The following SMG6 variants were observed in gnomAD, a reference collection of about 807,000 sequenced individuals.
SMG6 encodes telomerase-binding protein EST1A.
Under a neutral mutation model 142.2 loss-of-function variants are expected in SMG6, and 66 were observed. That is an observed-to-expected ratio of 0.46 (90% CI 0.38 to 0.57). The LOEUF is 0.57. SMG6 is among the 20% of genes least tolerant of loss of function. The probability of loss-of-function intolerance (pLI) is 0.00; values close to 1 mark genes in which losing one functional copy is unlikely to be tolerated. For missense variants in SMG6, 1,793 were observed against 1,832.0 expected (o/e 0.98, Z 0.39); for synonymous variants, 779 against 702.4 (o/e 1.11, Z -1.72).
At chr17:2,115,903 T>G (rs2069490616) in intron 13 of SMG6, among the ~76,000 whole-genome samples, 1 of 152,090 alleles carries the variant, frequency 6.6e-6, no homozygotes, top group Non-Finnish European at 1.5e-5. Context: ...GACAGGGTCT[T>G]GCTATATTGG....
intron 15 of SMG6, among the ~76,000 whole-genome samples, chr17:2,070,015 A>G (rs1378372030): frequency 6.6e-6 from 1 of 152,192 alleles, no homozygotes; most frequent in Admixed American, 6.5e-5. Context: ...TGCCAAACAA[A>G]AAGTAGACAA....
chr17:2,256,923 G>C (rs1316055408), intron 8 of SMG6, among the ~76,000 whole-genome samples: 1 of 150,950 alleles, frequency 6.6e-6, no homozygotes, highest in Admixed American at 6.6e-5. Context: ...CTTCTTTTTG[G>C]AGAGTAATGT....
Position 2,064,649 on chromosome 17 carries a change from A to G in SMG6, c.4129+424T>C, listed in dbSNP as rs1396889935. ...GAAGGTAGGAAGGTAAGCATGGCCA[A>G]GAAAGGGAAGTGTGCCCCAGGGACC... On this transcript the variant is annotated intron_variant, in intron 18 of 18. Coordinates refer to ENST00000263073, the MANE Select transcript of SMG6 (RefSeq NM_017575.5). Among the ~76,000 whole-genome samples, 3 of 152,234 alleles carry G rather than the reference A, an allele frequency of 2.0e-5. No individual in the cohort carries two copies. The East Asian group carries it at 5.8e-4, about 29-fold the overall frequency.
intron 13 of SMG6, among the ~76,000 whole-genome samples, chr17:2,114,746 T>C (rs191547874): frequency 1.3e-5 from 2 of 151,680 alleles, no homozygotes; most frequent in South Asian, 2.1e-4. Flanking sequence ...CTGGCCAACA[T>C]GGTGAAACCC....
At chr17:2,261,036 G>A (rs997190455) in intron 8 of SMG6, among the ~76,000 whole-genome samples, 4 of 151,866 alleles carry the variant, frequency 2.6e-5, no homozygotes, top group African/African-American at 9.7e-5. Context: ...GTCGGGCGCG[G>A]TGGCTCACGC....
intron 10 of SMG6, among the ~76,000 whole-genome samples, chr17:2,200,920 C>T (rs1371670471): frequency 1.3e-5 from 2 of 152,196 alleles, no homozygotes; most frequent in Non-Finnish European, 2.9e-5. Flanking sequence ...TGAACCACCA[C>T]ACCCGGCCCA....
At chr17:2,113,485 C>G (rs2069403411) in intron 13 of SMG6, among the ~76,000 whole-genome samples, 1 of 152,222 alleles carries the variant, frequency 6.6e-6, no homozygotes, top group South Asian at 2.1e-4. Flanking sequence ...CCAGCTGGGT[C>G]TTGAACAAAG....
chr17:2,257,789 G>A (rs916543527), intron 8 of SMG6, among the ~76,000 whole-genome samples: 1 of 151,328 alleles, frequency 6.6e-6, no homozygotes, highest in Non-Finnish European at 1.5e-5. Context: ...GGGGCTGGGC[G>A]GATCACGAGA....
At chr17:2,188,877 G>T (rs1380033097) in intron 10 of SMG6, among the ~76,000 whole-genome samples, 1 of 152,134 alleles carries the variant, frequency 6.6e-6, no homozygotes, top group African/African-American at 2.4e-5. Flanking sequence ...AGTCTCTCTA[G>T]TGTATAACTA....
intron 7 of SMG6, 62 bp from the exon 8 acceptor site, chr17:2,282,921 A>G: frequency 6.5e-7 from 1 of 1,546,694 alleles, no homozygotes; most frequent in South Asian, 1.1e-5. Flanking sequence ...CTGTAATCCC[A>G]GCACTTAGAG....
At chr17:2,075,938 A>G (rs1237878591) in intron 15 of SMG6, among the ~76,000 whole-genome samples, 2 of 151,968 alleles carry the variant, frequency 1.3e-5, no homozygotes, top group Non-Finnish European at 2.9e-5. Context: ...AGTCGGCCCC[A>G]CTCACCAGCC....
intron 13 of SMG6, among the ~76,000 whole-genome samples, chr17:2,094,522 A>G (rs2068806274): frequency 6.6e-6 from 1 of 152,152 alleles, no homozygotes; most frequent in Non-Finnish European, 1.5e-5. Context: ...TACAGGCGTG[A>G]GCCACTTTGC....
At chr17:2,276,012 TTC>T (rs1329712634) in intron 8 of SMG6, among the ~76,000 whole-genome samples, 4 of 152,206 alleles carry the variant, frequency 2.6e-5, no homozygotes, top group Non-Finnish European at 4.4e-5. Flanking sequence ...AAGCCAAACT[TTC>T]TGTTTACTCA....
At chr17:2,111,190 TC>T (rs1321270513) in intron 13 of SMG6, among the ~76,000 whole-genome samples, 1 of 139,846 alleles carries the variant, frequency 7.2e-6, no homozygotes, top group Non-Finnish European at 1.5e-5. Context: ...ATGCTCCTGT[TC>T]CCATGGAACT....
chr17:2,265,580 CTTATCA>C (rs1236671455), intron 8 of SMG6, among the ~76,000 whole-genome samples: 5 of 151,950 alleles, frequency 3.3e-5, no homozygotes, highest in Admixed American at 3.3e-4. Flanking sequence ...ACAGAAGAAC[CTTATCA>C]TTAACTGCAT....
At chr17:2,226,600 A>AAAC in intron 10 of SMG6, among the ~76,000 whole-genome samples, 1 of 139,934 alleles carries the variant, frequency 7.1e-6, no homozygotes. Flanking sequence ...ACAAACAAAC[A>AAAC]AAAAAAAAAC....
At chr17:2,066,652 T>TACACAC (rs1161956483) in intron 16 of SMG6, among the ~76,000 whole-genome samples, 12,342 of 119,450 alleles carry the variant, frequency 0.1, 861 homozygotes, top group East Asian at 0.18. Flanking sequence ...CATGTGGGAA[T>TACACAC]ACACACACAC....
intron 2 of SMG6, 103 bp downstream of exon 2, chr17:2,298,803 C>T (rs974176683): frequency 9.7e-7 from 1 of 1,026,890 alleles, no homozygotes; most frequent in South Asian, 1.6e-5. Flanking sequence ...GGAAATAATA[C>T]CCAGTGGCTC....
At chr17:2,246,144 T>C (rs565601109) in intron 8 of SMG6, among the ~76,000 whole-genome samples, 11 of 152,320 alleles carry the variant, frequency 7.2e-5, no homozygotes, top group South Asian at 2.1e-4. Flanking sequence ...TCTACTTCCA[T>C]TGAAACCAAA....
Sources: allele counts gnomAD v4.1 joint callset (sites outside exome capture counted in the v4.1 genomes callset), GRCh38; gene constraint gnomAD v4.1.1; transcripts MANE v1.5; gene names NCBI Gene and HGNC (gene_info 2026-07-23, HGNC 2026-07-21).